Variants in NRSN1 observed in about 807,000 individuals in gnomAD.
NRSN1 encodes the protein neurensin 1, also known as neurensin-1.
NRSN1 carries 14 observed loss-of-function variants against 17.3 expected under a neutral mutation model. The ratio of observed to expected loss-of-function variants is 0.81; its 90% confidence interval spans 0.54 to 1.27. NRSN1 has a LOEUF of 1.27. Ranked by LOEUF, NRSN1 falls within the 50% of genes most tolerant of loss-of-function variation. NRSN1 has a pLI of 0.00. For synonymous variants in NRSN1, 79 were observed against 94.2 expected, an observed-to-expected ratio of 0.84 and a Z score of 0.93; for missense variants, 209 against 235.9, an observed-to-expected ratio of 0.89 and a Z score of 0.75.
chr6:24,128,046 T>G (rs1318190567), intron 1 of NRSN1, 82 bp from the exon 2 acceptor site: 2 of 152,226 alleles, frequency 1.3e-5, no homozygotes, highest in Admixed American at 1.3e-4. Context: ...ATTAAAATGA[T>G]TCTTTATAAG....
intron 3 of NRSN1, among the ~76,000 whole-genome samples, chr6:24,136,171 T>C (rs1259585870): frequency 2.0e-5 from 3 of 152,178 alleles, no homozygotes; most frequent in African/African-American, 7.2e-5. Flanking sequence ...ATATGAGAAT[T>C]AAATGAGATA....
At chr6:24,142,359 T>C (rs1760224712) in intron 3 of NRSN1, among the ~76,000 whole-genome samples, 1 of 152,154 alleles carries the variant, frequency 6.6e-6, no homozygotes, top group Non-Finnish European at 1.5e-5. Context: ...CGAAGTATTA[T>C]GGGCAGAAGA....
intron 3 of NRSN1, among the ~76,000 whole-genome samples, chr6:24,135,750 T>C (rs1225100574): frequency 6.6e-6 from 1 of 152,110 alleles, no homozygotes; most frequent in African/African-American, 2.4e-5. Flanking sequence ...TATTGACACA[T>C]AGAATCTATA....
At chr6:24,140,963 T>G in intron 3 of NRSN1, 2 of 1,375,144 alleles carry the variant, frequency 1.5e-6, no homozygotes, top group Non-Finnish European at 1.9e-6. Context: ...CAGCCAAGAG[T>G]GGAATCGGAA....
At chr6:24,128,894 A>G (rs73389775) in intron 2 of NRSN1, 152 of 152,360 alleles carry the variant, frequency 1.0e-3, no homozygotes, top group African/African-American at 3.6e-3. Context: ...GAAAACACTC[A>G]TATTTGTTGC....
intron 1 of NRSN1, among the ~76,000 whole-genome samples, chr6:24,127,478 T>C (rs368995947): frequency 6.6e-6 from 1 of 152,220 alleles, no homozygotes; most frequent in Non-Finnish European, 1.5e-5. Context: ...TTATTTCACA[T>C]AACTAGAGTA....
chr6:24,146,300 T>C lies in NRSN1; in HGVS notation c.*354T>C, dbSNP rs1458785306. On this transcript the variant is annotated 3_prime_UTR_variant, in exon 4 of 4. Transcript: ENST00000378491. ...GCTCACCAATGGCTAATGTGGTCCA[T>C]TTTATTTTCTAATATTGGTTTATCT... 1 of 524,702 alleles carries C rather than the reference T, an allele frequency of 1.9e-6. No individual in the cohort carries two copies. The highest frequency in any genetic ancestry group is 1.9e-5 in the African/African-American group (1 of 52,406). The allele number at this position is 524,702 out of a possible 1,614,324, so 32.5% of individuals were successfully genotyped here. A position where few individuals can be genotyped will look rare whatever the true frequency, so the allele number is the denominator to read the frequency against.
chr6:24,142,590 G>A lies in NRSN1; in HGVS notation c.190-2958G>A, dbSNP rs888315542. ...TTCTCCTGCCTCAGACTCCCAAGTAGCTGGGATTACTGGCATGCCCCACCA... is the reference window on the plus strand; with the variant it reads ...TTCTCCTGCCTCAGACTCCCAAGTAACTGGGATTACTGGCATGCCCCACCA... On this transcript the variant is annotated intron_variant, in intron 3 of 3. Coordinates refer to ENST00000378491, the MANE Select transcript of NRSN1 (RefSeq NM_080723.5). 6.8e-4 allele frequency among the ~76,000 whole-genome samples: 103 copies of A among 152,032 alleles called. 1 individual carries two copies. The highest frequency in any genetic ancestry group is 5.5e-3 in the Admixed American group (84 of 15,264).
Position 24,147,108 on chromosome 6 carries a change from T to G in NRSN1, c.*1162T>G, listed in dbSNP as rs920870143. The G allele has an allele frequency of 6.6e-6, 1 of 152,120 alleles. No individual in the cohort carries two copies. The highest frequency in any genetic ancestry group is 1.5e-5 in the Non-Finnish European group (1 of 68,020). 9.4% of individuals were successfully genotyped at this position (152,120 alleles called of 1,614,324 possible). A position where few individuals can be genotyped will look rare whatever the true frequency, so the allele number is the denominator to read the frequency against. On this transcript the variant is annotated 3_prime_UTR_variant, in exon 4 of 4. Transcript: ENST00000378491. ...CCTTCACACCATCTACCCTTAAATA[T>G]CCAACCCCAGCAATTTATACAACGC...
chr6:24,127,120 G>A (rs528280203), intron 1 of NRSN1, among the ~76,000 whole-genome samples: 3 of 152,228 alleles, frequency 2.0e-5, no homozygotes, highest in African/African-American at 7.2e-5. Context: ...AGATGGGGGT[G>A]GAGGGCAGGT....
intron 3 of NRSN1, among the ~76,000 whole-genome samples, chr6:24,141,827 T>G (rs1760208589): frequency 6.6e-6 from 1 of 152,148 alleles, no homozygotes; most frequent in South Asian, 2.1e-4. Flanking sequence ...GTTTATTGAG[T>G]GTCAGGCTGG....
In NRSN1 at chr6:24,146,052, T is replaced by C; in HGVS notation, c.*106T>C. On this transcript the variant is annotated 3_prime_UTR_variant, in exon 4 of 4. Transcript: ENST00000378491. ...TTTGGCGTTGACTGCCCTAGGGCTG[T>C]GTTCAGCTGTGGGCAATATAATGGG... 2.6e-6 allele frequency: 3 copies of C among 1,154,106 alleles called. No homozygotes were observed. The highest frequency in any genetic ancestry group is 3.9e-6 in the Non-Finnish European group (3 of 767,366). 71.5% of individuals were successfully genotyped at this position (1,154,106 alleles called of 1,614,324 possible).
At chr6:24,126,721 C>A (rs61187366) in intron 1 of NRSN1, among the ~76,000 whole-genome samples, 1 of 132,324 alleles carries the variant, frequency 7.6e-6, no homozygotes, top group Non-Finnish European at 1.7e-5. Flanking sequence ...CTAGAGTTTG[C>A]AAAGTTGGTT....
chr6:24,139,334 G>T (rs1760165639), intron 3 of NRSN1, among the ~76,000 whole-genome samples: 1 of 152,204 alleles, frequency 6.6e-6, no homozygotes, highest in Non-Finnish European at 1.5e-5. Context: ...GAGCAATGGA[G>T]ATCATCAGGA....
intron 1 of NRSN1, among the ~76,000 whole-genome samples, chr6:24,127,747 T>C (rs1304262984): frequency 6.6e-6 from 1 of 152,164 alleles, no homozygotes; most frequent in Non-Finnish European, 1.5e-5. Context: ...AAAAGATCCA[T>C]TCTGAAGTAT....
intron 3 of NRSN1, among the ~76,000 whole-genome samples, chr6:24,136,466 T>C (rs1760119501): frequency 6.6e-6 from 1 of 152,132 alleles, no homozygotes; most frequent in Non-Finnish European, 1.5e-5. Flanking sequence ...TTACTGGCTT[T>C]AGCCAATGAA....
chr6:24,139,257 TAAGAA>T (rs1461255369), intron 3 of NRSN1, among the ~76,000 whole-genome samples: 1 of 152,204 alleles, frequency 6.6e-6, no homozygotes, highest in African/African-American at 2.4e-5. Context: ...GGAAGACTAC[TAAGAA>T]GAGAAGCCAT....
rs145576324 is a variant in NRSN1, at chr6:24,145,711, C to T, written c.353C>T (p.Ala118Val). The change falls in exon 4 of 4, where the codon GCA (alanine) becomes GTA (valine). Residue 118 changes from alanine (A) to valine (V), a missense_variant. Transcript: ENST00000378491. This position sits in a 1 kb window ranked among gnomAD's most constrained non-coding sequence, Gnocchi z 4.4. ...AGTGCTCTGGACATGTACAAGCTGG[C>T]AGGAGCTGTTCTCTTCTGCATTGGA... ...FNSALDMYKL[A>V]GAVLFCIGGT... 2 of 1,614,218 alleles carry T rather than the reference C, an allele frequency of 1.2e-6. No individual in the cohort carries two copies. Among genetic ancestry groups the T allele is most frequent in the East Asian group, 2.2e-5 (1 of 44,884 alleles).
intron 3 of NRSN1, among the ~76,000 whole-genome samples, chr6:24,143,068 C>A (rs556648686): frequency 6.6e-6 from 1 of 152,136 alleles, no homozygotes; most frequent in African/African-American, 2.4e-5. Context: ...AAACCTTTAG[C>A]TAGCCACAGA....
Sources: allele counts gnomAD v4.1 joint callset (sites outside exome capture counted in the v4.1 genomes callset), GRCh38; gene constraint gnomAD v4.1.1; non-coding constraint Gnocchi (gnomAD v3.1); transcripts MANE v1.5; gene names NCBI Gene and HGNC (gene_info 2026-07-23, HGNC 2026-07-21).